KIF6: variants seen among roughly 807,000 people sequenced by gnomAD.
KIF6 encodes kinesin-like protein KIF6.
Under a neutral mutation model 112.7 loss-of-function variants are expected in KIF6, and 106 were observed. The observed-to-expected ratio is 0.94, with a 90% CI of 0.80 to 1.11. KIF6 has a LOEUF of 1.11. Ranked by LOEUF, KIF6 falls within the 50% of genes least tolerant of loss-of-function variation. KIF6 has a pLI of 0.00. For missense variants in KIF6, 929 were observed against 964.0 expected (o/e 0.96, Z 0.48); for synonymous variants, 339 against 339.9 (o/e 1.00, Z 0.03).
In KIF6 at chr6:39,424,863, G is replaced by A. The variant is rs550091385; in HGVS notation, c.1755-4860C>T. 1.8e-3 allele frequency among the ~76,000 whole-genome samples: 269 copies of A among 152,332 alleles called. 2 individuals are homozygous for A. Among genetic ancestry groups the A allele is most frequent in the Non-Finnish European group, 2.2e-3 (149 of 68,040 alleles). On this transcript the variant is annotated intron_variant, in intron 14 of 22. Transcript: ENST00000287152. Reference sequence around the variant, plus strand: ...AAAGTATTAGAAAGGATCTCTGCAAGTCAATGGTCAAGGACACTCAAGATG... The same window carrying A: ...AAAGTATTAGAAAGGATCTCTGCAAATCAATGGTCAAGGACACTCAAGATG...
At chr6:39,536,673 C>A (rs1184073785) in intron 13 of KIF6, among the ~76,000 whole-genome samples, 1 of 151,442 alleles carries the variant, frequency 6.6e-6, no homozygotes, top group African/African-American at 2.4e-5. Flanking sequence ...TGAAACTATT[C>A]CAATCAATAG....
At chr6:39,546,075 G>T (rs745316885) in intron 10 of KIF6, among the ~76,000 whole-genome samples, 1 of 152,146 alleles carries the variant, frequency 6.6e-6, no homozygotes, top group Non-Finnish European at 1.5e-5. Flanking sequence ...TGGCACCTCA[G>T]TGATACCCCA....
At chr6:39,468,946 G>T (rs1461612077) in intron 13 of KIF6, among the ~76,000 whole-genome samples, 2 of 152,052 alleles carry the variant, frequency 1.3e-5, no homozygotes, top group African/African-American at 4.8e-5. Flanking sequence ...GCACAAAGGA[G>T]GGGGTGGAAG....
At chr6:39,549,719 G>A (rs914280508) in intron 10 of KIF6, among the ~76,000 whole-genome samples, 3 of 151,998 alleles carry the variant, frequency 2.0e-5, no homozygotes, top group East Asian at 3.8e-4. Flanking sequence ...GACTTGTAAC[G>A]GCAAAAAAAG....
At chr6:39,498,547 G>A (rs1775921068) in intron 13 of KIF6, among the ~76,000 whole-genome samples, 1 of 152,026 alleles carries the variant, frequency 6.6e-6, no homozygotes, top group Admixed American at 6.6e-5. Flanking sequence ...TTTCCTTTGT[G>A]GGCCATATGG....
At chr6:39,487,149 T>A (rs1775163902) in intron 13 of KIF6, among the ~76,000 whole-genome samples, 2 of 152,200 alleles carry the variant, frequency 1.3e-5, no homozygotes, top group African/African-American at 2.4e-5. Context: ...AATAGAAAAT[T>A]AGATTGATTC....
chr6:39,693,487 G>GT lies in KIF6; in HGVS notation c.251+21204dup, dbSNP rs1788343635. Reference sequence around the variant, plus strand: ...GGCTAATGAGCTCTATGTGGTGTGTGTAACTGTCAATAATTATCTTTAAAA... The same window carrying GT: ...GGCTAATGAGCTCTATGTGGTGTGTGTTAACTGTCAATAATTATCTTTAAAA... On this transcript the variant is annotated intron_variant, in intron 3 of 22. Coordinates refer to ENST00000287152, the MANE Select transcript of KIF6 (RefSeq NM_145027.6). Among the ~76,000 whole-genome samples the GT allele has an allele frequency of 2.0e-5, 3 of 152,102 alleles. 1 individual carries two copies. In the South Asian group the frequency reaches 6.2e-4, roughly 31 times the overall value.
rs56952665 is a variant in KIF6, at chr6:39,523,645, CATATATATATATATATATATATATATAT to C, written c.1645+16330_1645+16357del. Among the ~76,000 whole-genome samples the C allele has an allele frequency of 4.8e-3, 155 of 32,532 alleles. 3 individuals carry two copies. Among genetic ancestry groups the C allele is most frequent in the East Asian group, 0.011 (9 of 826 alleles). The allele number at this position is 32,532 out of a possible 152,430, so 21.3% of individuals were successfully genotyped here. A position where few individuals can be genotyped will look rare whatever the true frequency, so the allele number is the denominator to read the frequency against. ...TACTTCCCTCCCCTATTAATTCTGCCATATATATATATATATATATATATATATATATATATATATATATATATATATG... is the reference window on the plus strand; with the variant it reads ...TACTTCCCTCCCCTATTAATTCTGCCATATATATATATATATATATATATG... On this transcript the variant is annotated intron_variant, in intron 13 of 22. Transcript: ENST00000287152.
chr6:39,423,217 C>T lies in KIF6; in HGVS notation c.1755-3214G>A, dbSNP rs141564260. Among the ~76,000 whole-genome samples the T allele has an allele frequency of 8.5e-5, 13 of 152,290 alleles. No individual in the cohort carries two copies. In the East Asian group the frequency reaches 1.9e-3, roughly 23 times the overall value. ...TGGAAGGGAGAAGGAATGCGATGCT[C>T]TGCTGTTCTTCTACTAGCCTGGCTT... On this transcript the variant is annotated intron_variant, in intron 14 of 22. Coordinates refer to ENST00000287152, the MANE Select transcript of KIF6 (RefSeq NM_145027.6).
intron 13 of KIF6, among the ~76,000 whole-genome samples, chr6:39,516,607 T>C (rs1203732671): frequency 6.6e-6 from 1 of 151,592 alleles, no homozygotes; most frequent in African/African-American, 2.4e-5. Context: ...CTGGGGTGAG[T>C]TGTCAAAGAA....
chr6:39,604,556 T>C (rs1248560037), intron 6 of KIF6, among the ~76,000 whole-genome samples: 2 of 152,190 alleles, frequency 1.3e-5, no homozygotes, highest in Non-Finnish European at 1.5e-5. Context: ...ATAAGATACC[T>C]GGCTTTTAGG....
intron 10 of KIF6, among the ~76,000 whole-genome samples, chr6:39,553,304 T>C (rs1393024885): frequency 1.3e-5 from 2 of 152,206 alleles, no homozygotes; most frequent in Non-Finnish European, 2.9e-5. Context: ...GAGTTTTCCT[T>C]CTGTAGGGTA....
chr6:39,641,748 G>A (rs1784913009), intron 3 of KIF6, among the ~76,000 whole-genome samples: 1 of 151,994 alleles, frequency 6.6e-6, no homozygotes, highest in South Asian at 2.1e-4. Flanking sequence ...TACGAAAAGT[G>A]AGTAGGTAGT....
chr6:39,431,798 G>A (rs865819044), intron 13 of KIF6, among the ~76,000 whole-genome samples: 1 of 152,012 alleles, frequency 6.6e-6, no homozygotes, highest in Admixed American at 6.6e-5. Flanking sequence ...ACTGCTGGGC[G>A]CTGTTCAGAG....
At chr6:39,358,297 C>A (rs1161694383) in intron 18 of KIF6, among the ~76,000 whole-genome samples, 1 of 152,244 alleles carries the variant, frequency 6.6e-6, no homozygotes, top group African/African-American at 2.4e-5. Flanking sequence ...CTCTCTTGTT[C>A]TAATGAGGTT....
At chr6:39,351,256 G>T (rs1331094139) in intron 19 of KIF6, among the ~76,000 whole-genome samples, 1 of 148,452 alleles carries the variant, frequency 6.7e-6, no homozygotes, top group African/African-American at 2.5e-5. Flanking sequence ...TTCAGACAGG[G>T]TCTCGCTCTG....
intron 5 of KIF6, among the ~76,000 whole-genome samples, chr6:39,627,808 A>G (rs1784165537): frequency 6.6e-6 from 1 of 152,176 alleles, no homozygotes; most frequent in South Asian, 2.1e-4. Context: ...ATACTAAAGT[A>G]AGGTGACTAT....
chr6:39,472,845 A>C (rs1774201239), intron 13 of KIF6, among the ~76,000 whole-genome samples: 1 of 152,012 alleles, frequency 6.6e-6, no homozygotes, highest in East Asian at 1.9e-4. Flanking sequence ...CTTCAATAAC[A>C]AAAGTGTTGT....
At chr6:39,697,202 G>T (rs553187364) in intron 3 of KIF6, among the ~76,000 whole-genome samples, 2 of 152,134 alleles carry the variant, frequency 1.3e-5, no homozygotes, top group Non-Finnish European at 2.9e-5. Flanking sequence ...GTGCAGATAG[G>T]ACTGACAATC....
Sources: gnomAD v4.1 joint callset for allele counts (sites outside exome capture counted in the v4.1 genomes callset) on GRCh38, gnomAD v4.1.1 for gene constraint, MANE v1.5 for transcripts, NCBI Gene and HGNC (gene_info 2026-07-23, HGNC 2026-07-21) for gene names.